The following SLC27A6 variants were observed in gnomAD, a reference collection of about 807,000 sequenced individuals.
SLC27A6 encodes long-chain fatty acid transport protein 6.
Under a neutral mutation model 63.9 loss-of-function variants are expected in SLC27A6, and 74 were observed. The observed-to-expected ratio is 1.16, with a 90% CI of 0.96 to 1.40. The LOEUF (loss-of-function observed/expected upper bound fraction) is 1.40, where lower values mean the gene tolerates loss of function less well. Ranked by LOEUF, SLC27A6 falls within the 40% of genes most tolerant of loss-of-function variation. The pLI, the probability that SLC27A6 is intolerant of heterozygous loss-of-function variation, is 0.00. For synonymous variants in SLC27A6, 287 were observed against 260.8 expected, an observed-to-expected ratio of 1.10 and a Z score of -0.97; for missense variants, 794 against 732.9, an observed-to-expected ratio of 1.08 and a Z score of -0.96.
intron 1 of SLC27A6, among the ~76,000 whole-genome samples, chr5:128,971,268 T>G (rs1192637962): frequency 2.6e-5 from 4 of 152,164 alleles, no homozygotes; most frequent in Admixed American, 6.5e-5. Context: ...TAGATGTCTG[T>G]TAGGTCTGCT....
chr5:128,991,799 A>G (rs17679250), intron 4 of SLC27A6, among the ~76,000 whole-genome samples: 36,740 of 151,572 alleles, frequency 0.24, 5,142 homozygotes, highest in Non-Finnish European at 0.31. Flanking sequence ...CGTTTGATCA[A>G]CTGCCACCAT....
intron 2 of SLC27A6, among the ~76,000 whole-genome samples, chr5:128,987,761 T>C (rs918005569): frequency 4.0e-5 from 6 of 151,504 alleles, no homozygotes; most frequent in Non-Finnish European, 7.4e-5. Flanking sequence ...CTTCAGAAAA[T>C]CAAGAGTTCT....
chr5:129,033,390 T>C lies in SLC27A6; in HGVS notation c.*108T>C, dbSNP rs1471465643. The C allele has an allele frequency of 1.9e-6, 1 of 532,666 alleles. No homozygotes were observed. Among genetic ancestry groups the C allele is most frequent in the Non-Finnish European group, 3.2e-6 (1 of 312,822 alleles). The allele number at this position is 532,666 out of a possible 1,614,324, so 33.0% of individuals were successfully genotyped here. A position where few individuals can be genotyped will look rare whatever the true frequency, so the allele number is the denominator to read the frequency against. ...GAGCTAACATTAATTATGCATGTAC[T>C]ATATTTCCTTAATATGAGAGATAAT... On this transcript the variant is annotated 3_prime_UTR_variant, in exon 10 of 10. Coordinates refer to ENST00000262462, the MANE Select transcript of SLC27A6 (RefSeq NM_001017372.3).
At chr5:128,966,922 T>G (rs960139262) in intron 1 of SLC27A6, among the ~76,000 whole-genome samples, 1 of 152,184 alleles carries the variant, frequency 6.6e-6, no homozygotes, top group Admixed American at 6.6e-5. Flanking sequence ...ACTTCTAAAT[T>G]TTATCAGCTC....
At chr5:129,025,723 T>C (rs975597068) in intron 6 of SLC27A6, among the ~76,000 whole-genome samples, 1 of 151,532 alleles carries the variant, frequency 6.6e-6, no homozygotes, top group African/African-American at 2.4e-5. Flanking sequence ...GGTGATGATA[T>C]GATGATGATG....
chr5:128,967,724 C>A (rs2150124814), intron 1 of SLC27A6, among the ~76,000 whole-genome samples: 1 of 152,098 alleles, frequency 6.6e-6, no homozygotes, highest in East Asian at 1.9e-4. Context: ...AACTTGTGGT[C>A]TGATAAAGTG....
At chr5:128,994,334 A>G (rs1330241149) in intron 4 of SLC27A6, among the ~76,000 whole-genome samples, 1 of 152,142 alleles carries the variant, frequency 6.6e-6, no homozygotes, top group Non-Finnish European at 1.5e-5. Flanking sequence ...ATTTTTTTTT[A>G]AGCAGAGAAG....
chr5:128,994,652 CACAG>C (rs1751093362), intron 4 of SLC27A6, among the ~76,000 whole-genome samples: 1 of 152,138 alleles, frequency 6.6e-6, no homozygotes, highest in South Asian at 2.1e-4. Flanking sequence ...TTTGAAGCCC[CACAG>C]ACAGTTATTT....
intron 1 of SLC27A6, among the ~76,000 whole-genome samples, chr5:128,982,005 G>C (rs139652746): frequency 1.3e-4 from 19 of 151,898 alleles, no homozygotes; most frequent in African/African-American, 4.6e-4. Context: ...GTAGAGACAG[G>C]GTTTCACCAT....
chr5:128,976,793 G>C (rs570064409), intron 1 of SLC27A6, among the ~76,000 whole-genome samples: 44 of 152,302 alleles, frequency 2.9e-4, no homozygotes, highest in African/African-American at 1.0e-3. Flanking sequence ...AATCTGAAAT[G>C]CTTCAAAATA....
chr5:129,028,559 TTTA>T, intron 8 of SLC27A6, 117 bp downstream of exon 8: 1 of 616,744 alleles, frequency 1.6e-6, no homozygotes, highest in South Asian at 2.2e-5. Context: ...AGATAAAGAT[TTTA>T]TTATTGTCTT....
In SLC27A6 at chr5:129,033,107, A is replaced by G; in HGVS notation, c.1685A>G (p.Glu562Gly). The G allele has an allele frequency of 1.2e-6, 2 of 1,600,970 alleles. No homozygotes were observed. Among genetic ancestry groups the G allele is most frequent in the South Asian group, 2.3e-5 (2 of 88,774 alleles). ...YACPRFLRIQEKMEATGTFKL... is the reference protein window; with the variant it reads ...YACPRFLRIQGKMEATGTFKL... ...CTCATCCTGGTAATTGCTTTACAGGAAAAAATGGAAGCAACAGGAACATTC... is the reference window on the plus strand; with the variant it reads ...CTCATCCTGGTAATTGCTTTACAGGGAAAAATGGAAGCAACAGGAACATTC... The change falls in exon 10 of 10, where the codon GAA becomes GGA. Residue 562 changes from glutamate to glycine, a missense_variant and splice_region_variant. Coordinates refer to ENST00000262462, the MANE Select transcript of SLC27A6 (RefSeq NM_001017372.3).
intron 1 of SLC27A6, among the ~76,000 whole-genome samples, chr5:128,982,346 C>T (rs959833421): frequency 2.0e-5 from 3 of 152,194 alleles, no homozygotes; most frequent in African/African-American, 7.2e-5. Flanking sequence ...TGTATCTCCT[C>T]TGATTCCTAG....
chr5:128,992,704 A>C (rs759139), intron 4 of SLC27A6, among the ~76,000 whole-genome samples: 132,384 of 152,202 alleles, frequency 0.87, 58,688 homozygotes, highest in Non-Finnish European at 0.95. Flanking sequence ...CACATATTTT[A>C]TCTTCTAGTT....
chr5:129,003,310 G>A (rs1341908924), intron 4 of SLC27A6, among the ~76,000 whole-genome samples: 2 of 90,320 alleles, frequency 2.2e-5, no homozygotes, highest in Non-Finnish European at 4.7e-5. Context: ...TTTGCAAACT[G>A]TAAGATACAG....
At chr5:128,973,985 A>C (rs1383814177) in intron 1 of SLC27A6, among the ~76,000 whole-genome samples, 1 of 152,212 alleles carries the variant, frequency 6.6e-6, no homozygotes, top group Non-Finnish European at 1.5e-5. Flanking sequence ...CTAGGAGCAA[A>C]TGTAAACTCC....
intron 3 of SLC27A6, among the ~76,000 whole-genome samples, 195 bp from the exon 4 acceptor site, chr5:128,990,145 T>G (rs773434306): frequency 2.0e-5 from 3 of 152,230 alleles, no homozygotes; most frequent in Non-Finnish European, 4.4e-5. Flanking sequence ...AATTTAGAAT[T>G]ACAATATTTT....
chr5:128,984,964 C>T (rs981681915), intron 1 of SLC27A6, among the ~76,000 whole-genome samples, 169 bp from the exon 2 acceptor site: 7 of 152,098 alleles, frequency 4.6e-5, no homozygotes, highest in African/African-American at 1.7e-4. Context: ...TTCAGTTGGT[C>T]CTGTTGAAAC....
chr5:129,016,922 G>A (rs927631128), intron 5 of SLC27A6, among the ~76,000 whole-genome samples: 4 of 152,062 alleles, frequency 2.6e-5, no homozygotes, highest in African/African-American at 9.7e-5. Context: ...AAAGACAGTA[G>A]ACATTTACCT....
Sources: gnomAD v4.1 joint callset for allele counts (sites outside exome capture counted in the v4.1 genomes callset) on GRCh38, gnomAD v4.1.1 for gene constraint, MANE v1.5 for transcripts, NCBI Gene and HGNC (gene_info 2026-07-23, HGNC 2026-07-21) for gene names.